The following NSD2 variants were observed in gnomAD, a reference collection of about 807,000 sequenced individuals.
The protein encoded by NSD2 is nuclear receptor binding SET domain protein 2, also known as histone-lysine N-methyltransferase NSD2.
Under a neutral mutation model 139.0 loss-of-function variants are expected in NSD2, and 12 were observed. The observed-to-expected ratio is 0.09, with a 90% CI of 0.06 to 0.14. The LOEUF is 0.14. NSD2 is among the 10% of genes least tolerant of loss of function. NSD2 has a pLI of 1.00. For synonymous variants in NSD2, 669 were observed against 648.7 expected, an observed-to-expected ratio of 1.03 and a Z score of -0.48; for missense variants, 1,155 against 1,745.0, an observed-to-expected ratio of 0.66 and a Z score of 6.02.
At chr4:1,943,746 T>A in intron 9 of NSD2, 4 of 1,057,344 alleles carry the variant, frequency 3.8e-6, no homozygotes, top group Non-Finnish European at 4.6e-6. Context: ...CCCCACGAAA[T>A]TTAAAGATGG....
intron 3 of NSD2, among the ~76,000 whole-genome samples, chr4:1,911,115 C>G (rs534689406): frequency 1.3e-5 from 2 of 152,182 alleles, no homozygotes; most frequent in South Asian, 4.2e-4. Flanking sequence ...CTTAGTTGAG[C>G]CCAGAGAGTC....
intron 1 of NSD2, among the ~76,000 whole-genome samples, chr4:1,872,100 G>T (rs1392996596): frequency 6.6e-6 from 1 of 151,986 alleles, no homozygotes; most frequent in Non-Finnish European, 1.5e-5. Flanking sequence ...GTTTGCAGGC[G>T]GTGTCTGGCG....
Position 1,981,919 on chromosome 4 carries a change from G to C in NSD2, c.*3010G>C. ...GCCTCACCATACCCTGTTGAGGTGT[G>C]AAATGCCCCGTCAGAAATTAAATAC... On this transcript the variant is annotated 3_prime_UTR_variant, in exon 22 of 22. Coordinates refer to ENST00000508803, the MANE Select transcript of NSD2 (RefSeq NM_001042424.3). The C allele has an allele frequency of 2.5e-6, 1 of 398,646 alleles. No individual in the cohort carries two copies. Among genetic ancestry groups the C allele is most frequent in the Admixed American group, 4.4e-5 (1 of 22,742 alleles). 24.7% of individuals were successfully genotyped at this position (398,646 alleles called of 1,614,324 possible). A position where few individuals can be genotyped will look rare whatever the true frequency, so the allele number is the denominator to read the frequency against.
At chr4:1,893,549 T>G (rs566984461) in intron 1 of NSD2, among the ~76,000 whole-genome samples, 43 of 137,226 alleles carry the variant, frequency 3.1e-4, no homozygotes, top group Non-Finnish European at 5.3e-4. Flanking sequence ...TTTTGTTTTT[T>G]TTTTTTTTTT....
chr4:1,923,192 T>A (rs750506246), intron 5 of NSD2, among the ~76,000 whole-genome samples: 14 of 149,944 alleles, frequency 9.3e-5, no homozygotes, highest in Non-Finnish European at 1.8e-4. Context: ...CTATGTATGT[T>A]AAAATGAAAA....
At chr4:1,932,924 C>T (rs190482455) in intron 6 of NSD2, among the ~76,000 whole-genome samples, 31 of 152,350 alleles carry the variant, frequency 2.0e-4, no homozygotes, top group African/African-American at 7.0e-4. Flanking sequence ...TTTGTGCTCA[C>T]GAACGGGTGT....
Position 1,942,654 on chromosome 4 carries a change from A to G in NSD2, c.1881+2876A>G. 2 of 1,178,918 alleles carry G rather than the reference A, an allele frequency of 1.7e-6. 1 individual carries two copies. The highest frequency in any genetic ancestry group is 5.6e-5 in the South Asian group (2 of 35,994). 73.0% of individuals were successfully genotyped at this position (1,178,918 alleles called of 1,614,324 possible). Reference sequence around the variant, plus strand: ...ATTCCAGTGGTCAATGTAGATTTCAAGTTGAAAGGCAGTCCCTTTAGTTGG... The same window carrying G: ...ATTCCAGTGGTCAATGTAGATTTCAGGTTGAAAGGCAGTCCCTTTAGTTGG... On this transcript the variant is annotated intron_variant, in intron 9 of 21. Transcript: ENST00000508803. The surrounding 1 kb of genome is among the most constrained non-coding windows in gnomAD (Gnocchi z 4.0).
At chr4:1,910,663 G>A (rs1210800225) in intron 3 of NSD2, among the ~76,000 whole-genome samples, 2 of 152,144 alleles carry the variant, frequency 1.3e-5, no homozygotes, top group Non-Finnish European at 2.9e-5. Flanking sequence ...AAATATTGCA[G>A]GTAATCTGGC....
intron 21 of NSD2, among the ~76,000 whole-genome samples, chr4:1,978,124 C>G (rs983544278): frequency 2.7e-5 from 4 of 150,094 alleles, no homozygotes; most frequent in Admixed American, 1.3e-4. Flanking sequence ...TAGACTCCAT[C>G]TCAAAAAAAA....
chr4:1,913,306 G>A (rs73202831), intron 3 of NSD2, among the ~76,000 whole-genome samples: 3,205 of 152,314 alleles, frequency 0.021, 50 homozygotes, highest in Middle Eastern at 0.041. Context: ...GAAGGCACCC[G>A]TTACTTTGCA....
intron 5 of NSD2, among the ~76,000 whole-genome samples, chr4:1,922,406 C>G (rs1452049386): frequency 6.6e-6 from 1 of 152,150 alleles, no homozygotes; most frequent in Non-Finnish European, 1.5e-5. Context: ...AGAAAAATAA[C>G]TGATATTTTA....
intron 9 of NSD2, chr4:1,943,814 G>A (rs906462776): frequency 8.5e-6 from 9 of 1,062,106 alleles, no homozygotes; most frequent in Non-Finnish European, 1.0e-5. Context: ...CCAAAGTAAA[G>A]ACTCTATCTT....
At chr4:1,925,294 G>T (rs1395138633) in intron 5 of NSD2, among the ~76,000 whole-genome samples, 1 of 150,976 alleles carries the variant, frequency 6.6e-6, no homozygotes, top group East Asian at 1.9e-4. Flanking sequence ...GCTGCTTTCT[G>T]TGCCTTCCTT....
rs193163062 is a variant in NSD2 at position 1,948,993 on chromosome 4, C to T, written c.1882-2079C>T. ...CCCTTTCTCTGGGCCTTGGTTCCCC[C>T]ATCAGATGGGTCAGCTTGGGCGACT... On this transcript the variant is annotated intron_variant, in intron 9 of 21. Coordinates refer to ENST00000508803, the MANE Select transcript of NSD2 (RefSeq NM_001042424.3). This position sits in a 1 kb window ranked among gnomAD's most constrained non-coding sequence, Gnocchi z 4.5. Among the ~76,000 whole-genome samples, 8 of 152,350 alleles carry T rather than the reference C, an allele frequency of 5.3e-5. No homozygotes were observed. Among genetic ancestry groups the T allele is most frequent in the Admixed American group, 4.6e-4 (7 of 15,306 alleles).
At chr4:1,941,498 T>C in intron 9 of NSD2, 1 of 1,046,322 alleles carries the variant, frequency 9.6e-7, no homozygotes, top group Non-Finnish European at 1.2e-6. Flanking sequence ...GCCTAGGCAG[T>C]TGTCCTGACC....
chr4:1,950,929 C>A, intron 9 of NSD2, 143 bp from the exon 10 acceptor site: 1 of 1,123,592 alleles, frequency 8.9e-7, no homozygotes, highest in Non-Finnish European at 1.3e-6. Flanking sequence ...GATGGTTCCA[C>A]TGTGAAATCA....
chr4:1,902,939 C>T (rs1717377130), intron 2 of NSD2, among the ~76,000 whole-genome samples: 1 of 152,106 alleles, frequency 6.6e-6, no homozygotes, highest in African/African-American at 2.4e-5. Context: ...CTTTGGGAGG[C>T]TGAGGCAGGA....
chr4:1,975,719 C>T, intron 20 of NSD2: 1 of 283,554 alleles, frequency 3.5e-6, no homozygotes, highest in Non-Finnish European at 6.7e-6. Flanking sequence ...TCTCCCGTTC[C>T]TGGTGGCGGC....
intron 10 of NSD2, chr4:1,951,905 G>T (rs899800136): frequency 3.9e-6 from 3 of 769,944 alleles, no homozygotes; most frequent in African/African-American, 1.8e-5. Flanking sequence ...GCCTCTTTCT[G>T]TAACAGTCAT....
Sources: gnomAD v4.1 joint callset for allele counts (sites outside exome capture counted in the v4.1 genomes callset) on GRCh38, gnomAD v4.1.1 for gene constraint, Gnocchi (gnomAD v3.1) non-coding constraint, MANE v1.5 for transcripts, NCBI Gene and HGNC (gene_info 2026-07-23, HGNC 2026-07-21) for gene names.